The following EHD4 variants were observed in gnomAD, a reference collection of about 807,000 sequenced individuals.
The protein encoded by EHD4 is EH domain containing 4, also known as EH domain-containing protein 4.
EHD4 carries 37 observed loss-of-function variants against 51.0 expected under a neutral mutation model. That is an observed-to-expected ratio of 0.73 (90% CI 0.56 to 0.95). The LOEUF (loss-of-function observed/expected upper bound fraction) is 0.95. Ranked by LOEUF, EHD4 falls within the 40% of genes least tolerant of loss-of-function variation. The pLI is 0.00. For missense variants in EHD4, 632 were observed against 733.1 expected (o/e 0.86, Z 1.59); for synonymous variants, 297 against 317.3 (o/e 0.94, Z 0.68).
chr15:41,941,382 T>A (rs896356784), intron 3 of EHD4, among the ~76,000 whole-genome samples: 1 of 152,196 alleles, frequency 6.6e-6, no homozygotes, highest in Non-Finnish European at 1.5e-5. Flanking sequence ...ATCCCATTTC[T>A]ATTAGAAATG....
chr15:41,914,483 T>A (rs955149703), intron 4 of EHD4, among the ~76,000 whole-genome samples: 3 of 151,838 alleles, frequency 2.0e-5, no homozygotes, highest in African/African-American at 4.8e-5. Flanking sequence ...GGGTTTGTTA[T>A]TCTGCTCAGA....
intron 1 of EHD4, among the ~76,000 whole-genome samples, chr15:41,961,449 G>A (rs2067923831): frequency 6.6e-6 from 1 of 152,212 alleles, no homozygotes; most frequent in Non-Finnish European, 1.5e-5. Context: ...ACTTTAGGTT[G>A]TAAACTCTTT....
At chr15:41,933,939 T>G (rs2067714236) in intron 3 of EHD4, among the ~76,000 whole-genome samples, 1 of 152,082 alleles carries the variant, frequency 6.6e-6, no homozygotes, top group African/African-American at 2.4e-5. Flanking sequence ...CAGGGTCACT[T>G]GGTGACTCCT....
intron 2 of EHD4, among the ~76,000 whole-genome samples, chr15:41,950,549 C>T (rs1864614799): frequency 6.6e-6 from 1 of 152,210 alleles, no homozygotes; most frequent in African/African-American, 2.4e-5. Context: ...TAATTATGTA[C>T]ACATATTTGA....
intron 2 of EHD4, among the ~76,000 whole-genome samples, chr15:41,952,443 T>C (rs2067858561): frequency 6.6e-6 from 1 of 151,644 alleles, no homozygotes; most frequent in Non-Finnish European, 1.5e-5. Flanking sequence ...AGAGGGATGA[T>C]AGGAAACAAG....
intron 3 of EHD4, among the ~76,000 whole-genome samples, chr15:41,940,709 T>C (rs2067764148): frequency 6.6e-6 from 1 of 152,220 alleles, no homozygotes; most frequent in South Asian, 2.1e-4. Flanking sequence ...CAGACCAGGA[T>C]ATGAGTCAGA....
intron 4 of EHD4, 145 bp downstream of exon 4, chr15:41,919,065 T>C: frequency 9.3e-7 from 1 of 1,074,748 alleles, no homozygotes; most frequent in Admixed American, 2.3e-5. Flanking sequence ...CAGGGCCACC[T>C]GACCTCGAGG....
At chr15:41,954,072 G>A (rs771919959) in intron 1 of EHD4, 132 bp from the exon 2 acceptor site, 16 of 962,754 alleles carry the variant, frequency 1.7e-5, no homozygotes, top group South Asian at 6.0e-5. Context: ...AGAAAAGCAC[G>A]CAATCCTCCT....
intron 2 of EHD4, among the ~76,000 whole-genome samples, chr15:41,949,425 C>T (rs558644360): frequency 1.3e-5 from 2 of 152,062 alleles, no homozygotes; most frequent in South Asian, 2.1e-4. Flanking sequence ...CTGAGTGAAG[C>T]CTCGCTTAAT....
intron 1 of EHD4, among the ~76,000 whole-genome samples, chr15:41,967,561 T>C (rs1437205613): frequency 6.6e-6 from 1 of 152,228 alleles, no homozygotes; most frequent in Non-Finnish European, 1.5e-5. Context: ...AGAAGATTGA[T>C]TTTCAGGAGC....
Position 41,955,241 on chromosome 15 carries a change from G to A in EHD4, c.237-1301C>T, listed in dbSNP as rs1314862170. On this transcript the variant is annotated intron_variant, in intron 1 of 5. Coordinates refer to ENST00000220325, the MANE Select transcript of EHD4 (RefSeq NM_139265.4). ...TGAGGTGGATGATGACATTACCCTCGTTTTATTTACAGGTGGGAAAACTGG... is the reference window on the plus strand; with the variant it reads ...TGAGGTGGATGATGACATTACCCTCATTTTATTTACAGGTGGGAAAACTGG... Among the ~76,000 whole-genome samples the A allele has an allele frequency of 3.9e-5, 6 of 151,902 alleles. 1 individual carries two copies. Among genetic ancestry groups the A allele is most frequent in the African/African-American group, 1.2e-4 (5 of 41,228 alleles).
At chr15:41,913,523 C>T (rs913281520) in intron 4 of EHD4, among the ~76,000 whole-genome samples, 5 of 152,162 alleles carry the variant, frequency 3.3e-5, no homozygotes, top group Non-Finnish European at 7.3e-5. Context: ...CCTCAGCGTG[C>T]TCATCCACAA....
At chr15:41,972,107 G>A in intron 1 of EHD4, 152 bp downstream of exon 1, 1 of 663,028 alleles carries the variant, frequency 1.5e-6, no homozygotes. Flanking sequence ...TGGCCAGCCG[G>A]GGCGGGGCCG....
At chr15:41,923,022 C>G (rs1369208006) in intron 3 of EHD4, among the ~76,000 whole-genome samples, 2 of 152,086 alleles carry the variant, frequency 1.3e-5, no homozygotes, top group Non-Finnish European at 2.9e-5. Flanking sequence ...ACCACCTCCC[C>G]CTACAAAGTT....
At chr15:41,912,898 AACTAATG>A (rs748013718) in intron 4 of EHD4, among the ~76,000 whole-genome samples, 8 of 152,180 alleles carry the variant, frequency 5.3e-5, no homozygotes, top group Non-Finnish European at 1.0e-4. Flanking sequence ...GTCCCTAAAG[AACTAATG>A]ACTCCCTGTG....
Position 41,943,082 on chromosome 15 carries a change from G to T in EHD4, c.496C>A (p.Gln166Lys). 1 of 1,580,420 alleles carries T rather than the reference G, an allele frequency of 6.3e-7. No individual in the cohort carries two copies. Among genetic ancestry groups the T allele is most frequent in the African/African-American group, 1.3e-5 (1 of 74,706 alleles). ...DSPGILSGEKQRISRGYDFCQ... is the reference protein window; with the variant it reads ...DSPGILSGEKKRISRGYDFCQ... Reference sequence around the variant, plus strand: ...AGGCACTGACCTCGGCTGATGCGCTGCTTCTCCCCAGAAAGGATGCCGGGG... The same window carrying T: ...AGGCACTGACCTCGGCTGATGCGCTTCTTCTCCCCAGAAAGGATGCCGGGG... Residue 166 changes from glutamine to lysine, a missense_variant, in exon 3 of 6, where the codon CAG (glutamine) becomes AAG (lysine). By Grantham distance (53) the Gln-to-Lys change is moderately conservative. Coordinates refer to ENST00000220325, the MANE Select transcript of EHD4 (RefSeq NM_139265.4).
chr15:41,927,242 T>C (rs1038265923), intron 3 of EHD4, among the ~76,000 whole-genome samples: 2 of 152,242 alleles, frequency 1.3e-5, no homozygotes, highest in Non-Finnish European at 2.9e-5. Context: ...TACATTTGGT[T>C]TATTCCTCCA....
chr15:41,909,260 C>A (rs547638901), intron 5 of EHD4, among the ~76,000 whole-genome samples: 58 of 152,340 alleles, frequency 3.8e-4, no homozygotes, highest in African/African-American at 1.3e-3. Context: ...ACAGCCCCTG[C>A]TGGAGCCCTT....
chr15:41,954,788 C>T (rs954490005), intron 1 of EHD4, among the ~76,000 whole-genome samples: 8 of 152,070 alleles, frequency 5.3e-5, no homozygotes, highest in African/African-American at 1.9e-4. Context: ...CAGACACATG[C>T]CACCATGCCT....
Sources: allele counts gnomAD v4.1 joint callset (sites outside exome capture counted in the v4.1 genomes callset), GRCh38; gene constraint gnomAD v4.1.1; transcripts MANE v1.5; gene names NCBI Gene and HGNC (gene_info 2026-07-23, HGNC 2026-07-21).